Variants in SYNE1 observed in about 807,000 individuals in gnomAD.
The protein encoded by SYNE1 is nesprin-1.
SYNE1 carries 616 observed loss-of-function variants against 1,111.0 expected under a neutral mutation model. That is an observed-to-expected ratio of 0.55 (90% confidence interval 0.52 to 0.59). SYNE1 has a LOEUF of 0.59. Ranked by LOEUF, SYNE1 falls within the 20% of genes least tolerant of loss-of-function variation. The pLI, the probability that SYNE1 is intolerant of heterozygous loss-of-function variation, is 0.00. For missense variants in SYNE1, 10,006 were observed against 10,417.0 expected (o/e 0.96, Z 1.72); for synonymous variants, 3,855 against 3,825.8 (o/e 1.01, Z -0.28).
intron 42 of SYNE1, among the ~76,000 whole-genome samples, chr6:152,409,949 T>C (rs953108666): frequency 3.3e-5 from 5 of 152,184 alleles, no homozygotes; most frequent in African/African-American, 1.2e-4. Context: ...CAATGACCAT[T>C]GAAACAAAAT....
chr6:152,584,387 A>G (rs559737783), intron 3 of SYNE1, among the ~76,000 whole-genome samples: 39 of 152,292 alleles, frequency 2.6e-4, no homozygotes, highest in Non-Finnish European at 4.7e-4. Context: ...TACATATTTA[A>G]TGTATTCCCC....
chr6:152,482,205 A>G (rs1213675859), intron 14 of SYNE1, among the ~76,000 whole-genome samples: 1 of 152,120 alleles, frequency 6.6e-6, no homozygotes, highest in Non-Finnish European at 1.5e-5. Context: ...GTGTCTCTGT[A>G]TATCTAGCTC....
intron 3 of SYNE1, among the ~76,000 whole-genome samples, chr6:152,550,782 T>C (rs767072343): frequency 1.3e-5 from 2 of 152,086 alleles, no homozygotes; most frequent in Admixed American, 6.6e-5. Flanking sequence ...AGACTCTGAT[T>C]GAGAGTGAAC....
rs141518278 is a variant in SYNE1 at position 152,200,058 on chromosome 6, C to T, written c.23145+1766G>A. Among the ~76,000 whole-genome samples, 966 of 152,260 alleles carry T rather than the reference C, an allele frequency of 6.3e-3. 11 individuals are homozygous for T. The highest frequency in any genetic ancestry group is 0.022 in the African/African-American group (930 of 41,550). ...CACTGGAAAGATTTTCCACTTTTCA[C>T]ACCGATTTCTACCCCCCCAACTCGA... On this transcript the variant is annotated intron_variant, in intron 127 of 145. Coordinates refer to ENST00000367255, the MANE Select transcript of SYNE1 (RefSeq NM_182961.4).
At chr6:152,627,834 T>G (rs1230023628) in intron 3 of SYNE1, among the ~76,000 whole-genome samples, 2 of 152,170 alleles carry the variant, frequency 1.3e-5, no homozygotes, top group Admixed American at 6.5e-5. Flanking sequence ...TATCTAAGGG[T>G]CTTCTAGTTG....
chr6:152,536,131 A>C (rs1028490862), intron 4 of SYNE1, among the ~76,000 whole-genome samples: 13 of 150,198 alleles, frequency 8.7e-5, no homozygotes, highest in Non-Finnish European at 1.6e-4. Context: ...TACACCCTCC[A>C]CCTCTGCTCT....
chr6:152,455,380 T>C (rs1397219201), intron 24 of SYNE1, 46 bp downstream of exon 24: 1 of 1,584,136 alleles, frequency 6.3e-7, no homozygotes, highest in African/African-American at 1.4e-5. Context: ...TCCAAGGTTG[T>C]TTGTCCATGT....
chr6:152,561,609 A>C lies in SYNE1; in HGVS notation c.68-21588T>G, dbSNP rs536824363. 6.4e-4 allele frequency among the ~76,000 whole-genome samples: 97 copies of C among 152,278 alleles called. 3 individuals carry two copies. In the South Asian group the frequency reaches 0.019, roughly 30 times the overall value. ...TTGTATGGAACCATCAAAGACCATG[A>C]AGCAATTTTAAGGAAAAAGAACAAA... is the stretch of plus-strand genomic sequence containing the variant. On this transcript the variant is annotated intron_variant, in intron 3 of 145. Coordinates refer to ENST00000367255, the MANE Select transcript of SYNE1 (RefSeq NM_182961.4).
rs2147378 is a variant in SYNE1 at position 152,219,333 on chromosome 6, A to T, written c.21862-148T>A. On this transcript the variant is annotated intron_variant, in intron 119 of 145. Transcript: ENST00000367255. The stretch of plus-strand genomic sequence containing the variant: ...ATAAACTTCACCTGTGGAAAAATGA[A>T]CACGCACTGAACCCCATTTTTTAAA... The T allele has an allele frequency of 0.35, 283,215 of 801,040 alleles. 52,451 individuals carry two copies. Among genetic ancestry groups the T allele is most frequent in the East Asian group, 0.54 (20,599 of 37,910 alleles). 49.6% of individuals were successfully genotyped at this position (801,040 alleles called of 1,614,324 possible).
chr6:152,218,085 C>T (rs2079183797), intron 121 of SYNE1, among the ~76,000 whole-genome samples, 172 bp downstream of exon 121: 1 of 151,798 alleles, frequency 6.6e-6, no homozygotes, highest in African/African-American at 2.4e-5. Context: ...ATCCTAGCTA[C>T]TCGGGAGGAT....
intron 139 of SYNE1, 102 bp downstream of exon 139, chr6:152,141,101 G>A (rs2152809354): frequency 2.0e-6 from 3 of 1,487,454 alleles, no homozygotes; most frequent in East Asian, 4.5e-5. Context: ...GGATAGAACG[G>A]TGTAGAAGAA....
At chr6:152,442,280 G>T in intron 30 of SYNE1, 35 bp from the exon 31 acceptor site, 1 of 1,609,944 alleles carries the variant, frequency 6.2e-7, no homozygotes, top group South Asian at 1.1e-5. Context: ...GATATAAATT[G>T]TGCTCTCTAA....
intron 29 of SYNE1, among the ~76,000 whole-genome samples, chr6:152,445,803 G>A (rs79775720): frequency 3.3e-5 from 5 of 151,978 alleles, no homozygotes; most frequent in Non-Finnish European, 7.4e-5. Context: ...CAAAGAAAGG[G>A]GCTGAATGTG....
intron 3 of SYNE1, among the ~76,000 whole-genome samples, chr6:152,581,602 T>C (rs1378462615): frequency 6.6e-6 from 1 of 152,160 alleles, no homozygotes; most frequent in African/African-American, 2.4e-5. Context: ...TCCGTCACCT[T>C]TGCTTTCATT....
chr6:152,226,879 A>G (rs762991668), intron 115 of SYNE1, among the ~76,000 whole-genome samples: 2 of 152,226 alleles, frequency 1.3e-5, no homozygotes, highest in African/African-American at 4.8e-5. Flanking sequence ...AAAGCCAGGC[A>G]TTAAGGCATG....
chr6:152,616,176 T>C (rs2099646509), intron 3 of SYNE1, among the ~76,000 whole-genome samples: 1 of 152,152 alleles, frequency 6.6e-6, no homozygotes, highest in African/African-American at 2.4e-5. Context: ...ATCATCTTTA[T>C]AATAAGTTAT....
intron 24 of SYNE1, 135 bp downstream of exon 24, chr6:152,455,291 C>T (rs762444103): frequency 9.9e-5 from 89 of 903,294 alleles, no homozygotes; most frequent in Non-Finnish European, 1.4e-4. Flanking sequence ...GGGTCTCATA[C>T]CTAAAAAGTC....
rs763058731 is a variant in SYNE1 at position 152,416,868 on chromosome 6, T to G, written c.5569A>C (p.Ser1857Arg). 1.9e-6 allele frequency: 3 copies of G among 1,613,880 alleles called. No individual in the cohort carries two copies. The highest frequency in any genetic ancestry group is 1.3e-5 in the African/African-American group (1 of 74,928). ...AGCTGCCGCCTCTCCACAACCTGGCTGGCCTCCTCAAACAGCTGGAAGCAG... is the reference window on the plus strand; with the variant it reads ...AGCTGCCGCCTCTCCACAACCTGGCGGGCCTCCTCAAACAGCTGGAAGCAG... ...EDCFQLFEEASQVVERRQLAL... is the reference protein window; with the variant it reads ...EDCFQLFEEARQVVERRQLAL... The change falls in exon 41 of 146, where the codon AGC (serine) becomes CGC (arginine). Residue 1857 changes from serine to arginine, a missense_variant. Physicochemically the swap from Ser to Arg is moderately radical, Grantham distance 110. Around this residue, in one of 7 missense-constraint regions of SYNE1, gnomAD observed 4,955 missense variants for 5,017.2 expected, o/e 0.99. Coordinates refer to ENST00000367255, the MANE Select transcript of SYNE1 (RefSeq NM_182961.4).
At chr6:152,382,332 G>A (rs2097433871) in intron 55 of SYNE1, among the ~76,000 whole-genome samples, 1 of 152,042 alleles carries the variant, frequency 6.6e-6, no homozygotes. Context: ...TGACCAATTA[G>A]CAAGTAAAGA....
Sources: allele counts gnomAD v4.1 joint callset (sites outside exome capture counted in the v4.1 genomes callset), GRCh38; gene constraint gnomAD v4.1.1; regional missense constraint gnomAD v4.1.1; transcripts MANE v1.5; gene names NCBI Gene and HGNC (gene_info 2026-07-23, HGNC 2026-07-21).